The following CTIF variants were observed in gnomAD, a reference collection of about 807,000 sequenced individuals.
CTIF encodes CBP80/20-dependent translation initiation factor.
In CTIF, 21 loss-of-function variants were observed where a neutral mutation model predicts 66.0. The ratio of observed to expected loss-of-function variants is 0.32; its 90% CI spans 0.23 to 0.46. The LOEUF (loss-of-function observed/expected upper bound fraction) is 0.46, where lower values mean the gene tolerates loss of function less well. Among genes scored for constraint, CTIF ranks in the 20% least tolerant of loss-of-function variants. The probability of loss-of-function intolerance (pLI) is 1.00; values close to 1 mark genes in which losing one functional copy is unlikely to be tolerated. For missense variants in CTIF, 739 were observed against 812.7 expected (o/e 0.91, Z 1.10); for synonymous variants, 345 against 326.4 (o/e 1.06, Z -0.62).
At chr18:48,584,581 C>G (rs895794848) in intron 1 of CTIF, among the ~76,000 whole-genome samples, 3 of 152,190 alleles carry the variant, frequency 2.0e-5, no homozygotes, top group African/African-American at 7.2e-5. Context: ...ATCTAACCCA[C>G]TTCTAGACAA....
chr18:48,730,721 AGGGGCTTCCG>A (rs2092448530), intron 7 of CTIF, among the ~76,000 whole-genome samples: 1 of 142,136 alleles, frequency 7.0e-6, no homozygotes, highest in South Asian at 2.2e-4. Flanking sequence ...CCGCGGTGTG[AGGGGCTTCCG>A]TGGTGTGAGG....
At chr18:48,711,494 T>A in intron 6 of CTIF, 125 bp from the exon 7 acceptor site, 3 of 713,800 alleles carry the variant, frequency 4.2e-6, no homozygotes, top group Non-Finnish European at 7.2e-6. Flanking sequence ...GTGGTTAGAG[T>A]CTAGTCTCTC....
chr18:48,620,821 C>A (rs1160824895), intron 2 of CTIF, among the ~76,000 whole-genome samples: 4 of 152,176 alleles, frequency 2.6e-5, no homozygotes, highest in Non-Finnish European at 5.9e-5. Flanking sequence ...ACCTGGCTCA[C>A]TTTTTGGGTG....
At chr18:48,691,709 G>A (rs1219884201) in intron 6 of CTIF, among the ~76,000 whole-genome samples, 1 of 152,104 alleles carries the variant, frequency 6.6e-6, no homozygotes, top group Admixed American at 6.5e-5. Flanking sequence ...GCTCACTCCT[G>A]TCTCCCCTTT....
chr18:48,763,072 C>T (rs1037548515), intron 9 of CTIF, among the ~76,000 whole-genome samples: 10 of 152,180 alleles, frequency 6.6e-5, no homozygotes, highest in Admixed American at 2.6e-4. Context: ...CCTCGCGGGC[C>T]GGAATGTCCT....
Position 48,636,326 on chromosome 18 carries a change from T to A in CTIF, c.181-288T>A, listed in dbSNP as rs377141928. ...TGTACCAAACTCAGAATAAGTTTTG[T>A]CATATCTGGCTGACTTTGGGATATA... On this transcript the variant is annotated intron_variant, in intron 2 of 11. Transcript: ENST00000256413. Among the ~76,000 whole-genome samples the A allele has an allele frequency of 4.3e-4, 66 of 152,342 alleles. No homozygotes were observed. In the South Asian group the frequency reaches 7.7e-3, roughly 18 times the overall value.
chr18:48,846,560 T>A (rs1353698159), intron 10 of CTIF, among the ~76,000 whole-genome samples: 1 of 148,414 alleles, frequency 6.7e-6, no homozygotes, highest in Non-Finnish European at 1.5e-5. Context: ...GACAGATGAA[T>A]GAAAGGATGG....
intron 1 of CTIF, among the ~76,000 whole-genome samples, chr18:48,609,162 T>A (rs898331261): frequency 6.6e-6 from 1 of 152,042 alleles, no homozygotes; most frequent in African/African-American, 2.4e-5. Context: ...AACCCAGGGA[T>A]TGGAATACAG....
At chr18:48,743,682 G>T (rs1253035582) in intron 7 of CTIF, among the ~76,000 whole-genome samples, 11 of 152,196 alleles carry the variant, frequency 7.2e-5, no homozygotes, top group Non-Finnish European at 5.9e-5. Flanking sequence ...TAAAGATCGG[G>T]TTAAACACAA....
intron 1 of CTIF, among the ~76,000 whole-genome samples, chr18:48,616,837 T>G (rs966148050): frequency 6.6e-6 from 1 of 152,112 alleles, no homozygotes; most frequent in South Asian, 2.1e-4. Context: ...ACCTCTAGAT[T>G]TGGCAGGTGG....
chr18:48,543,759 A>G (rs1296575643), intron 1 of CTIF, among the ~76,000 whole-genome samples: 3 of 152,186 alleles, frequency 2.0e-5, no homozygotes, highest in Admixed American at 6.5e-5. Context: ...ATTTCATCCA[A>G]TCTTCTTTCT....
At chr18:48,635,045 G>A (rs1042457174) in intron 2 of CTIF, among the ~76,000 whole-genome samples, 10 of 151,922 alleles carry the variant, frequency 6.6e-5, no homozygotes, top group South Asian at 2.1e-4. Flanking sequence ...TTAAAATTCC[G>A]CCTGTGGTTT....
chr18:48,564,805 T>TGGTG (rs2089242963), intron 1 of CTIF: 1 of 151,602 alleles, frequency 6.6e-6, no homozygotes, highest in Admixed American at 6.6e-5. Flanking sequence ...TTTGTAGAGA[T>TGGTG]GGGGGGTCTC....
At chr18:48,730,442 TGTGGTGTGAGGGGCTTCC>T (rs2092437135) in intron 7 of CTIF, among the ~76,000 whole-genome samples, 1 of 122,788 alleles carries the variant, frequency 8.1e-6, no homozygotes, top group Non-Finnish European at 1.8e-5. Context: ...GAGGGGCCCC[TGTGGTGTGAGGGGCTTCC>T]GCGGTGTGAG....
intron 9 of CTIF, among the ~76,000 whole-genome samples, chr18:48,775,612 C>A (rs112912872): frequency 6.6e-6 from 1 of 152,242 alleles, no homozygotes; most frequent in East Asian, 1.9e-4. Flanking sequence ...GTGAAACAGG[C>A]ACTGGCCTCT....
chr18:48,752,662 T>C (rs1013597855), intron 7 of CTIF, among the ~76,000 whole-genome samples: 1 of 151,764 alleles, frequency 6.6e-6, no homozygotes, highest in Non-Finnish European at 1.5e-5. Context: ...CACAGAGAGG[T>C]GAGATCACCC....
chr18:48,855,089 C>T lies in CTIF; in HGVS notation c.1528-2499C>T, dbSNP rs547424176. Among the ~76,000 whole-genome samples, 13 of 152,334 alleles carry T rather than the reference C, an allele frequency of 8.5e-5. No individual in the cohort carries two copies. The East Asian group carries it at 1.3e-3, about 16-fold the overall frequency. On this transcript the variant is annotated intron_variant, in intron 10 of 11. Coordinates refer to ENST00000256413, the MANE Select transcript of CTIF (RefSeq NM_014772.3). ...TCTGCAGTGAACTGTGCTGGCCTGGCGCAGGCGCTCGGCAGGTACTTGTGA... is the reference window on the plus strand; with the variant it reads ...TCTGCAGTGAACTGTGCTGGCCTGGTGCAGGCGCTCGGCAGGTACTTGTGA...
At chr18:48,562,510 G>A (rs1016653626) in intron 1 of CTIF, among the ~76,000 whole-genome samples, 4 of 152,190 alleles carry the variant, frequency 2.6e-5, no homozygotes, top group Non-Finnish European at 4.4e-5. Context: ...CTTGCCTGTT[G>A]ACTCTTCTTT....
chr18:48,828,988 A>G (rs1240220503), intron 10 of CTIF, among the ~76,000 whole-genome samples: 1 of 152,172 alleles, frequency 6.6e-6, no homozygotes, highest in Admixed American at 6.5e-5. Context: ...CTGACTGGGT[A>G]ATTAATGTCT....
Sources: allele counts gnomAD v4.1 joint callset (sites outside exome capture counted in the v4.1 genomes callset), GRCh38; gene constraint gnomAD v4.1.1; transcripts MANE v1.5; gene names NCBI Gene and HGNC (gene_info 2026-07-23, HGNC 2026-07-21).